VWA3B: variants seen among roughly 807,000 people sequenced by gnomAD.
VWA3B encodes the protein von Willebrand factor A domain-containing protein 3B.
In VWA3B, 138 loss-of-function variants were observed where a neutral mutation model predicts 158.3. The ratio of observed to expected loss-of-function variants is 0.87; its 90% confidence interval spans 0.76 to 1.00. The LOEUF is 1.00. Ranked by LOEUF, VWA3B falls within the 50% of genes least tolerant of loss-of-function variation. The pLI is 0.00. For synonymous variants in VWA3B, 596 were observed against 587.3 expected (o/e 1.01, Z -0.21); for missense variants, 1,555 against 1,565.1 (o/e 0.99, Z 0.11).
chr2:98,143,578 G>A (rs1676945443), intron 7 of VWA3B, among the ~76,000 whole-genome samples: 1 of 151,866 alleles, frequency 6.6e-6, no homozygotes, highest in Admixed American at 6.6e-5. Flanking sequence ...TTACATGGTG[G>A]GGAGGCAGAG....
At chr2:98,216,076 T>G (rs772299170) in intron 13 of VWA3B, among the ~76,000 whole-genome samples, 1 of 152,222 alleles carries the variant, frequency 6.6e-6, no homozygotes, top group Non-Finnish European at 1.5e-5. Flanking sequence ...GAATTTTCTT[T>G]GTGGAAGAAT....
intron 8 of VWA3B, among the ~76,000 whole-genome samples, chr2:98,172,675 T>TG (rs900331513): frequency 6.6e-5 from 10 of 151,844 alleles, no homozygotes; most frequent in African/African-American, 1.9e-4. Flanking sequence ...CAATAGGACT[T>TG]GGGGGTGGGG....
intron 2 of VWA3B, among the ~76,000 whole-genome samples, chr2:98,106,279 G>GT (rs1398714647): frequency 6.6e-6 from 1 of 151,962 alleles, no homozygotes; most frequent in African/African-American, 2.4e-5. Flanking sequence ...CTTGATTACT[G>GT]TAACTATAGA....
chr2:98,256,047 GCGGTGC>G, intron 20 of VWA3B, 71 bp from the exon 21 acceptor site: 2 of 1,537,774 alleles, frequency 1.3e-6, no homozygotes, highest in Non-Finnish European at 1.8e-6. Flanking sequence ...GGCTCCCACT[GCGGTGC>G]CTGGGGTTAA....
intron 8 of VWA3B, among the ~76,000 whole-genome samples, chr2:98,165,836 G>A (rs1167148836): frequency 6.6e-6 from 1 of 152,062 alleles, no homozygotes; most frequent in Non-Finnish European, 1.5e-5. Flanking sequence ...CGAAAACCCA[G>A]ATGGTCCCCT....
At chr2:98,130,584 A>G (rs559455507) in intron 6 of VWA3B, among the ~76,000 whole-genome samples, 4 of 152,200 alleles carry the variant, frequency 2.6e-5, no homozygotes, top group Non-Finnish European at 5.9e-5. Flanking sequence ...GGGAGTGGTG[A>G]TGACTCTTAA....
the VWA3B span, among the ~76,000 whole-genome samples, chr2:98,319,820 C>T: frequency 6.6e-6 from 1 of 151,448 alleles, no homozygotes; most frequent in African/African-American, 2.4e-5. Flanking sequence ...GCAGAGGTTG[C>T]AATGAGCCTA....
chr2:98,113,415 G>C (rs1411381612), intron 2 of VWA3B, among the ~76,000 whole-genome samples: 1 of 151,908 alleles, frequency 6.6e-6, no homozygotes, highest in Non-Finnish European at 1.5e-5. Context: ...CACTGATACT[G>C]TATTTTTATC....
chr2:98,127,729 CA>C (rs1439233423), intron 5 of VWA3B, among the ~76,000 whole-genome samples: 1 of 152,116 alleles, frequency 6.6e-6, no homozygotes, highest in Non-Finnish European at 1.5e-5. Context: ...AGGACAGCCT[CA>C]CCCCAGCTCC....
At chr2:98,096,592 C>A (rs4851733) in intron 2 of VWA3B, among the ~76,000 whole-genome samples, 1,562 of 152,200 alleles carry the variant, frequency 0.01, 111 homozygotes, top group Admixed American at 0.086. Flanking sequence ...TTACTGATTC[C>A]ATCTCCTTAC....
At chr2:98,110,088 T>C (rs1242116961) in intron 2 of VWA3B, among the ~76,000 whole-genome samples, 1 of 151,656 alleles carries the variant, frequency 6.6e-6, no homozygotes, top group African/African-American at 2.4e-5. Flanking sequence ...TTCTTTTTTT[T>C]TTTCTTCTTT....
At chr2:98,248,859 CTT>C (rs746724199) in intron 19 of VWA3B, among the ~76,000 whole-genome samples, 2,892 of 30,524 alleles carry the variant, frequency 0.095, 71 homozygotes, top group African/African-American at 0.3. Flanking sequence ...TTCTTTCTTT[CTT>C]TCTTTCTTTC....
At chr2:98,226,882 G>A (rs1187447972) in intron 14 of VWA3B, among the ~76,000 whole-genome samples, 1 of 152,138 alleles carries the variant, frequency 6.6e-6, no homozygotes, top group Admixed American at 6.5e-5. Flanking sequence ...ACTAGGTACT[G>A]ATGGAACATA....
At chr2:98,309,048 C>T (rs2106017950) in intron 26 of VWA3B, among the ~76,000 whole-genome samples, 1 of 151,502 alleles carries the variant, frequency 6.6e-6, no homozygotes, top group South Asian at 2.1e-4. Context: ...GGTGGGCACC[C>T]TTAATCCCAG....
intron 5 of VWA3B, among the ~76,000 whole-genome samples, chr2:98,127,594 G>T (rs1323360599): frequency 1.7e-4 from 1 of 5,904 alleles, no homozygotes; most frequent in Non-Finnish European, 3.7e-4. Flanking sequence ...GTGTGTGGGC[G>T]GGGGGGGGGG....
At chr2:98,128,636 A>G (rs1240308606) in intron 6 of VWA3B, among the ~76,000 whole-genome samples, 1 of 152,182 alleles carries the variant, frequency 6.6e-6, no homozygotes, top group African/African-American at 2.4e-5. Flanking sequence ...TTGCTGGTCC[A>G]GGAGACCCTG....
rs572370691 is a variant in VWA3B at position 98,270,703 on chromosome 2, A to G, written c.2865A>G (p.Ile955Met). Residue 955 changes from isoleucine to methionine, a missense_variant, in exon 22 of 28, where the codon ATA (isoleucine) becomes ATG (methionine). Transcript: ENST00000477737. ...TTAGGTTAGATGCAAACAAACCAAT[A>G]CAGTACTTGGAAAACAAAACAGTTT... is the stretch of plus-strand genomic sequence containing the variant. ...EKEKLDANKPIQYLENKTVLN... is the reference protein window; with the variant it reads ...EKEKLDANKPMQYLENKTVLN... The G allele has an allele frequency of 1.7e-5, 28 of 1,614,122 alleles. No individual in the cohort carries two copies. The South Asian group carries it at 3.0e-4, about 17-fold the overall frequency.
At chr2:98,160,217 A>T (rs1573940758) in intron 7 of VWA3B, among the ~76,000 whole-genome samples, 1 of 152,114 alleles carries the variant, frequency 6.6e-6, no homozygotes, top group African/African-American at 2.4e-5. Flanking sequence ...CCTTGATAAA[A>T]CTGGCAGTGC....
chr2:98,116,600 G>T (rs1324274240), intron 3 of VWA3B, among the ~76,000 whole-genome samples: 1 of 152,052 alleles, frequency 6.6e-6, no homozygotes, highest in South Asian at 2.1e-4. Context: ...TTGACCTCCC[G>T]GGTCCGAGCG....
Sources: gnomAD v4.1 joint callset for allele counts (sites outside exome capture counted in the v4.1 genomes callset) on GRCh38, gnomAD v4.1.1 for gene constraint, MANE v1.5 for transcripts, NCBI Gene and HGNC (gene_info 2026-07-23, HGNC 2026-07-21) for gene names.